The following TNS1 variants were observed in gnomAD, a reference collection of about 807,000 sequenced individuals.
TNS1 encodes the protein tensin 1, also known as tensin-1.
Under a neutral mutation model 168.6 loss-of-function variants are expected in TNS1, and 62 were observed. The observed-to-expected ratio is 0.37, with a 90% CI of 0.30 to 0.45. The LOEUF (loss-of-function observed/expected upper bound fraction) is 0.45. Ranked by LOEUF, TNS1 falls within the 20% of genes least tolerant of loss-of-function variation. The probability of loss-of-function intolerance (pLI) is 1.00; values close to 1 mark genes in which losing one functional copy is unlikely to be tolerated. For missense variants in TNS1, 2,240 were observed against 2,339.4 expected (o/e 0.96, Z 0.88); for synonymous variants, 934 against 933.2 (o/e 1.00, Z -0.02).
At chr2:218,025,596 A>AC (rs60293837) in intron 1 of TNS1, among the ~76,000 whole-genome samples, 5 of 150,640 alleles carry the variant, frequency 3.3e-5, no homozygotes, top group Non-Finnish European at 7.4e-5. Context: ...CTGAGGCCAG[A>AC]CCCCCCCACA....
upstream of TNS1, among the ~76,000 whole-genome samples, chr2:218,014,563 A>G (rs142580841): frequency 1.8e-3 from 272 of 152,260 alleles, 6 homozygotes; most frequent in South Asian, 0.043. Flanking sequence ...GAGTCTATCT[A>G]ATATGGACTC....
chr2:217,903,371 C>T (rs1338349780), intron 6 of TNS1, among the ~76,000 whole-genome samples: 3 of 152,188 alleles, frequency 2.0e-5, no homozygotes, highest in Non-Finnish European at 4.4e-5. Flanking sequence ...AATCTTCTGC[C>T]TACTCCGCGT....
Position 217,808,687 on chromosome 2 carries a change from C to T in TNS1, c.5274-16G>A, listed in dbSNP as rs1939729959. 6.2e-7 allele frequency: 1 copy of T among 1,613,350 alleles called. No individual in the cohort carries two copies. Among genetic ancestry groups the T allele is most frequent in the Non-Finnish European group, 8.5e-7 (1 of 1,179,486 alleles). On this transcript the variant is annotated splice_polypyrimidine_tract_variant and intron_variant, in intron 30 of 32. Coordinates refer to ENST00000682258, the MANE Select transcript of TNS1 (RefSeq NM_001387777.1). ...GAAAAAGAGCCTGCAGCACAGACAT[C>T]AGATAAACAGAGAATGAGTGCTGAA...
At chr2:217,996,798 A>G (rs528022868) in intron 1 of TNS1, among the ~76,000 whole-genome samples, 2 of 152,064 alleles carry the variant, frequency 1.3e-5, no homozygotes, top group East Asian at 1.9e-4. Flanking sequence ...CAGGATCACA[A>G]CTACAGCTCT....
chr2:217,817,852 G>GCCAGA lies in TNS1; in HGVS notation c.4479_4480insTCTGG (p.Arg1494SerfsTer66), dbSNP rs1559158702. Reference sequence around the variant, plus strand: ...GCCCGGTCTCCCACTGACATCCTTCGCTTCTCTGGCAAGGCTGGTGTTGGG... The same window carrying GCCAGA: ...GCCCGGTCTCCCACTGACATCCTTCGCCAGACTTCTCTGGCAAGGCTGGTGTTGGG... On this transcript the variant is annotated frameshift_variant, in exon 24 of 33. Coordinates refer to ENST00000682258, the MANE Select transcript of TNS1 (RefSeq NM_001387777.1). LOFTEE classifies it high-confidence loss of function. The GCCAGA allele has an allele frequency of 6.2e-7, 1 of 1,614,210 alleles. No homozygotes were observed.
intron 18 of TNS1, among the ~76,000 whole-genome samples, chr2:217,869,242 G>A (rs112941127): frequency 0.024 from 3,670 of 152,288 alleles, 67 homozygotes; most frequent in Middle Eastern, 0.12. Flanking sequence ...GCAGGCTCCA[G>A]GGAGGATGCC....
intron 2 of TNS1, chr2:217,987,096 C>G (rs955994644): frequency 6.6e-6 from 1 of 152,184 alleles, no homozygotes; most frequent in African/African-American, 2.4e-5. Flanking sequence ...TTGATTTATC[C>G]AAGATCACAG....
In TNS1 at chr2:217,880,856, T is replaced by A. The variant is rs539887132; in HGVS notation, c.1429+42A>T. The A allele has an allele frequency of 2.1e-6, 3 of 1,434,776 alleles. No individual in the cohort carries two copies. The South Asian group carries it at 3.4e-5, about 16-fold the overall frequency. 88.9% of individuals were successfully genotyped at this position (1,434,776 alleles called of 1,614,324 possible). Reference sequence around the variant, plus strand: ...AGCAAGGTCATGTGAGCAGAGGCTGTGCAGTTTGGATAGGGGCTGGGAGCC... The same window carrying A: ...AGCAAGGTCATGTGAGCAGAGGCTGAGCAGTTTGGATAGGGGCTGGGAGCC... On this transcript the variant is annotated intron_variant, in intron 18 of 32. Transcript: ENST00000682258. This position sits in a 1 kb window ranked among gnomAD's most constrained non-coding sequence, Gnocchi z 4.2.
intron 6 of TNS1, 27 bp from the exon 7 acceptor site, chr2:217,900,539 T>C: frequency 6.5e-7 from 1 of 1,535,286 alleles, no homozygotes; most frequent in Non-Finnish European, 8.7e-7. Flanking sequence ...AGAAGCAGCA[T>C]TATGCAGGGG....
At chr2:217,927,745 G>A (rs372377980) in intron 3 of TNS1, among the ~76,000 whole-genome samples, 4 of 152,164 alleles carry the variant, frequency 2.6e-5, no homozygotes, top group African/African-American at 9.7e-5. Context: ...CCCAGAGCAC[G>A]GGAGGGTGCC....
intron 6 of TNS1, 36 bp from the exon 7 acceptor site, chr2:217,900,548 G>T (rs1439605324): frequency 6.5e-7 from 1 of 1,533,236 alleles, no homozygotes; most frequent in Non-Finnish European, 8.7e-7. Flanking sequence ...ATTATGCAGG[G>T]GTGGGCAGGA....
intron 21 of TNS1, among the ~76,000 whole-genome samples, chr2:217,833,787 T>A (rs1378631373): frequency 6.6e-6 from 1 of 152,248 alleles, no homozygotes; most frequent in African/African-American, 2.4e-5. Flanking sequence ...TTTTAAAGTA[T>A]GAAAAAGAAC....
chr2:217,906,053 C>T (rs1953649588), intron 6 of TNS1, among the ~76,000 whole-genome samples: 1 of 152,214 alleles, frequency 6.6e-6, no homozygotes, highest in South Asian at 2.1e-4. Context: ...CCTTGATCCC[C>T]ATGGCCACTC....
chr2:218,020,395 T>G (rs368477279), intron 1 of TNS1, among the ~76,000 whole-genome samples: 85 of 151,996 alleles, frequency 5.6e-4, no homozygotes, highest in South Asian at 4.2e-3. Flanking sequence ...GATCACTGGT[T>G]AAATAACTTG....
chr2:218,002,963 G>C lies in TNS1; in HGVS notation c.-91C>G, dbSNP rs969687258. 1 of 455,418 alleles carries C rather than the reference G, an allele frequency of 2.2e-6. No homozygotes were observed. The highest frequency in any genetic ancestry group is 4.4e-6 in the Non-Finnish European group (1 of 226,764). 28.2% of individuals were successfully genotyped at this position (455,418 alleles called of 1,614,324 possible). ...CGCGGCGCTGGCAGAAGGGCTCTCT[G>C]AGTCCGCGGCTGCTCCGGCTCCGCC... On this transcript the variant is annotated 5_prime_UTR_variant, in exon 1 of 33. Coordinates refer to ENST00000682258, the MANE Select transcript of TNS1 (RefSeq NM_001387777.1).
At chr2:217,968,496 C>T (rs1182641081) in intron 3 of TNS1, among the ~76,000 whole-genome samples, 2 of 151,304 alleles carry the variant, frequency 1.3e-5, no homozygotes, top group African/African-American at 2.4e-5. Flanking sequence ...CAATGAAAGA[C>T]CTAAAAATGA....
chr2:217,957,146 C>A (rs909103869), intron 3 of TNS1, among the ~76,000 whole-genome samples: 1 of 152,208 alleles, frequency 6.6e-6, no homozygotes, highest in Non-Finnish European at 1.5e-5. Context: ...GGCCCGCCCC[C>A]ACCCCGGTAA....
chr2:217,987,683 GCCCCAC>G (rs1559402096), intron 2 of TNS1, among the ~76,000 whole-genome samples: 1 of 152,058 alleles, frequency 6.6e-6, no homozygotes. Flanking sequence ...CATTCCATGC[GCCCCAC>G]CCCACCTATC....
At chr2:217,902,325 C>T (rs1044790286) in intron 6 of TNS1, among the ~76,000 whole-genome samples, 9 of 152,306 alleles carry the variant, frequency 5.9e-5, no homozygotes, top group Admixed American at 3.9e-4. Context: ...GTTGCTGATC[C>T]GTAGCCACTT....
Sources: gnomAD v4.1 joint callset for allele counts (sites outside exome capture counted in the v4.1 genomes callset) on GRCh38, gnomAD v4.1.1 for gene constraint, Gnocchi (gnomAD v3.1) non-coding constraint, MANE v1.5 for transcripts, NCBI Gene and HGNC (gene_info 2026-07-23, HGNC 2026-07-21) for gene names.